The following GALNT2 variants were observed in gnomAD, a reference collection of about 807,000 sequenced individuals.
GALNT2 encodes the protein polypeptide N-acetylgalactosaminyltransferase 2.
Under a neutral mutation model 81.4 loss-of-function variants are expected in GALNT2, and 31 were observed. The observed-to-expected ratio is 0.38, with a 90% confidence interval of 0.29 to 0.51. The LOEUF (loss-of-function observed/expected upper bound fraction) is 0.51. GALNT2 is among the 20% of genes least tolerant of loss of function. The pLI is 0.87. For missense variants in GALNT2, 629 were observed against 765.7 expected (o/e 0.82, Z 2.11); for synonymous variants, 303 against 287.4 (o/e 1.05, Z -0.55).
chr1:230,168,245 C>T (rs1168003046), intron 1 of GALNT2, among the ~76,000 whole-genome samples: 2 of 152,192 alleles, frequency 1.3e-5, no homozygotes, highest in Non-Finnish European at 2.9e-5. Context: ...GCTGTTCTTG[C>T]CTTCAGGAAT....
chr1:230,250,245 G>T (rs1431490331), intron 9 of GALNT2, among the ~76,000 whole-genome samples: 1 of 152,236 alleles, frequency 6.6e-6, no homozygotes, highest in Non-Finnish European at 1.5e-5. Context: ...GAACATCCAG[G>T]CAGGGACAGT....
chr1:230,128,616 G>A (rs1005658949), intron 1 of GALNT2, among the ~76,000 whole-genome samples: 3 of 149,956 alleles, frequency 2.0e-5, no homozygotes, highest in Non-Finnish European at 3.0e-5. Context: ...GGGTGTGTGT[G>A]TGGCGGGGGC....
At chr1:230,227,086 G>T (rs999364746) in intron 3 of GALNT2, among the ~76,000 whole-genome samples, 2 of 152,032 alleles carry the variant, frequency 1.3e-5, no homozygotes, top group East Asian at 1.9e-4. Context: ...AAAATTAAAA[G>T]TATACTTTTA....
At chr1:230,214,597 CT>C (rs1026993445) in intron 3 of GALNT2, among the ~76,000 whole-genome samples, 4 of 152,084 alleles carry the variant, frequency 2.6e-5, no homozygotes, top group Non-Finnish European at 1.5e-5. Flanking sequence ...TCAGATATTT[CT>C]TTTTTTCAGC....
intron 3 of GALNT2, among the ~76,000 whole-genome samples, chr1:230,226,342 G>C (rs751789402): frequency 7.2e-5 from 11 of 152,212 alleles, no homozygotes; most frequent in Non-Finnish European, 1.6e-4. Flanking sequence ...CCAGAGCCTT[G>C]ATTCCAGCAT....
At chr1:230,252,437 G>A (rs752809393) in intron 10 of GALNT2, among the ~76,000 whole-genome samples, 1 of 152,090 alleles carries the variant, frequency 6.6e-6, no homozygotes, top group African/African-American at 2.4e-5. Context: ...GGCTCCTTGG[G>A]GGCATCATCT....
chr1:230,083,920 G>A (rs1230996635), intron 1 of GALNT2, among the ~76,000 whole-genome samples: 1 of 152,140 alleles, frequency 6.6e-6, no homozygotes, highest in Admixed American at 6.5e-5. Context: ...GAAGGAAATG[G>A]TGCCTGCTGC....
At chr1:230,250,405 A>G (rs529946623) in intron 9 of GALNT2, 52 bp from the exon 10 acceptor site, 1 of 1,395,260 alleles carries the variant, frequency 7.2e-7, no homozygotes, top group East Asian at 2.3e-5. Flanking sequence ...CTGGCAATCT[A>G]ACCTTGACTT....
At chr1:230,265,184 G>A in intron 13 of GALNT2, 57 bp from the exon 14 acceptor site, 5 of 1,611,158 alleles carry the variant, frequency 3.1e-6, no homozygotes, top group Non-Finnish European at 3.4e-6. Flanking sequence ...AGGGGCTGGT[G>A]GACGGGAGCT....
At chr1:230,123,953 A>T (rs564850358) in intron 1 of GALNT2, among the ~76,000 whole-genome samples, 1 of 152,336 alleles carries the variant, frequency 6.6e-6, no homozygotes, top group South Asian at 2.1e-4. Context: ...TTGGTTTCTT[A>T]GTCATTCTGT....
intron 2 of GALNT2, among the ~76,000 whole-genome samples, chr1:230,199,408 A>G (rs1281975127): frequency 2.6e-5 from 4 of 152,202 alleles, no homozygotes; most frequent in Admixed American, 2.0e-4. Context: ...AATTTTAGTA[A>G]TGGTTCTTTA....
At chr1:230,063,620 C>T (rs1659099704), upstream of GALNT2, among the ~76,000 whole-genome samples, 1 of 152,204 alleles carries the variant, frequency 6.6e-6, no homozygotes, top group Non-Finnish European at 1.5e-5. Context: ...CTACCTCTAA[C>T]ATTGTCTAAA....
chr1:230,246,318 A>G (rs887033315), intron 8 of GALNT2, among the ~76,000 whole-genome samples, 168 bp downstream of exon 8: 17 of 150,790 alleles, frequency 1.1e-4, no homozygotes, highest in Admixed American at 2.6e-4. Context: ...TCATAAAGAG[A>G]AAAAAAAATA....
chr1:230,124,080 C>A (rs566077747), intron 1 of GALNT2, among the ~76,000 whole-genome samples: 3 of 152,264 alleles, frequency 2.0e-5, no homozygotes, highest in African/African-American at 7.2e-5. Flanking sequence ...GACTAAGTGG[C>A]CTTTAAACCA....
At chr1:230,223,723 G>A (rs184304090) in intron 3 of GALNT2, among the ~76,000 whole-genome samples, 5 of 152,284 alleles carry the variant, frequency 3.3e-5, no homozygotes, top group Admixed American at 1.3e-4. Flanking sequence ...CTCCTGCCTC[G>A]GCCTCCCAAA....
At chr1:230,269,850 T>C (rs1666124625) in intron 14 of GALNT2, among the ~76,000 whole-genome samples, 1 of 152,166 alleles carries the variant, frequency 6.6e-6, no homozygotes, top group Non-Finnish European at 1.5e-5. Flanking sequence ...TGAGCTGTGA[T>C]TGCACCACTA....
intron 2 of GALNT2, among the ~76,000 whole-genome samples, chr1:230,189,188 T>C (rs1383786260): frequency 6.6e-6 from 1 of 152,228 alleles, no homozygotes; most frequent in Non-Finnish European, 1.5e-5. Flanking sequence ...TATTCCTTAG[T>C]AACCTTGTGT....
At chr1:230,230,572 C>G (rs1015851505) in intron 3 of GALNT2, among the ~76,000 whole-genome samples, 4 of 152,200 alleles carry the variant, frequency 2.6e-5, no homozygotes, top group African/African-American at 9.7e-5. Flanking sequence ...TAGAGGGACT[C>G]CACTGGAAGT....
chr1:230,085,083 G>A (rs1659858920), intron 1 of GALNT2, among the ~76,000 whole-genome samples: 2 of 152,128 alleles, frequency 1.3e-5, no homozygotes, highest in Admixed American at 6.5e-5. Context: ...AGCTGATGAG[G>A]AATAGAATGA....
Sources: gnomAD v4.1 joint callset for allele counts (sites outside exome capture counted in the v4.1 genomes callset) on GRCh38, gnomAD v4.1.1 for gene constraint, MANE v1.5 for transcripts, NCBI Gene and HGNC (gene_info 2026-07-23, HGNC 2026-07-21) for gene names.